Variants in DOCK1 observed in about 807,000 individuals in gnomAD.
DOCK1 encodes the protein dedicator of cytokinesis 1.
A neutral mutation model predicts 262.7 loss-of-function variants in DOCK1; 138 were observed. The observed-to-expected ratio is 0.53, with a 90% CI of 0.46 to 0.61. The LOEUF (loss-of-function observed/expected upper bound fraction) is 0.61, where lower values mean the gene tolerates loss of function less well. DOCK1 is among the 20% of genes least tolerant of loss of function. DOCK1 has a pLI of 0.00. For missense variants in DOCK1, 1,908 were observed against 2,370.7 expected (o/e 0.80, Z 4.05); for synonymous variants, 866 against 867.4 (o/e 1.00, Z 0.03).
intron 23 of DOCK1, among the ~76,000 whole-genome samples, chr10:127,091,392 A>G (rs1331183974): frequency 1.3e-5 from 2 of 152,196 alleles, no homozygotes; most frequent in African/African-American, 4.8e-5. Context: ...CTCTATCTAC[A>G]TGGACCTCTC....
intron 1 of DOCK1, among the ~76,000 whole-genome samples, chr10:126,966,832 A>G (rs2037711252): frequency 6.6e-6 from 1 of 152,200 alleles, no homozygotes; most frequent in South Asian, 2.1e-4. Flanking sequence ...CATCCAAGCA[A>G]AGAACTTGGC....
intron 14 of DOCK1, 72 bp from the exon 15 acceptor site, chr10:127,024,613 A>G: frequency 1.6e-6 from 2 of 1,268,196 alleles, no homozygotes; most frequent in East Asian, 2.5e-5. Context: ...CCCCCCACAT[A>G]TATAGTGGGA....
chr10:127,378,166 A>G (rs2065620514), intron 35 of DOCK1, among the ~76,000 whole-genome samples: 2 of 147,926 alleles, frequency 1.4e-5, no homozygotes, highest in South Asian at 4.4e-4. Context: ...GCGCATCATT[A>G]CTTTGCACAT....
intron 38 of DOCK1, among the ~76,000 whole-genome samples, chr10:127,389,319 A>G (rs1322705785): frequency 6.6e-6 from 1 of 152,180 alleles, no homozygotes; most frequent in East Asian, 1.9e-4. Flanking sequence ...CCATCATTTG[A>G]GAAATAACGT....
At chr10:127,441,354 A>G (rs2070117457) in intron 49 of DOCK1, among the ~76,000 whole-genome samples, 1 of 152,176 alleles carries the variant, frequency 6.6e-6, no homozygotes, top group African/African-American at 2.4e-5. Flanking sequence ...ATCCACAGGA[A>G]CTCACCAAGG....
chr10:126,955,821 G>T (rs1318238898), intron 1 of DOCK1, among the ~76,000 whole-genome samples: 1 of 152,134 alleles, frequency 6.6e-6, no homozygotes, highest in Non-Finnish European at 1.5e-5. Context: ...CACTTTTTGG[G>T]TGCTCTCTAG....
chr10:127,398,874 A>G (rs1292011446), intron 38 of DOCK1, among the ~76,000 whole-genome samples: 1 of 152,188 alleles, frequency 6.6e-6, no homozygotes, highest in Non-Finnish European at 1.5e-5. Flanking sequence ...TCCTATCAGA[A>G]TTGTCAACAT....
At chr10:127,321,146 G>A (rs2062501112) in intron 29 of DOCK1, among the ~76,000 whole-genome samples, 1 of 151,814 alleles carries the variant, frequency 6.6e-6, no homozygotes, top group South Asian at 2.1e-4. Flanking sequence ...CCATGACCCC[G>A]CGTCTTGCGC....
At chr10:127,260,135 G>A (rs973300304) in intron 29 of DOCK1, among the ~76,000 whole-genome samples, 1 of 152,204 alleles carries the variant, frequency 6.6e-6, no homozygotes, top group South Asian at 2.1e-4. Context: ...ACTCACTAGA[G>A]CCCCTTCACA....
chr10:126,970,901 T>G (rs1246838226), intron 2 of DOCK1, 116 bp downstream of exon 2: 13 of 1,158,506 alleles, frequency 1.1e-5, no homozygotes, highest in Non-Finnish European at 1.4e-5. Flanking sequence ...TCATGCTTCC[T>G]TCTCAGGCTC....
At position 127,052,793 on chromosome 10, in the gene DOCK1, C is replaced by A; in HGVS notation, c.2314C>A (p.Arg772Ser). ...ALESIFKFIV[R>S]SRILFNQLYE... ...AGAATCCATCTTCAAGTTCATCGTG[C>A]GCTCCAGGATCCTGTTCAATCAGTG... The change falls in exon 22 of 52, where the codon CGC (arginine) becomes AGC (serine). Residue 772 changes from arginine (R) to serine (S), a missense_variant. Coordinates refer to ENST00000623213, the MANE Select transcript of DOCK1 (RefSeq NM_001290223.2). 6.2e-7 allele frequency: 1 copy of A among 1,613,526 alleles called. No individual in the cohort carries two copies. Among genetic ancestry groups the A allele is most frequent in the Non-Finnish European group, 8.5e-7 (1 of 1,179,644 alleles).
intron 29 of DOCK1, among the ~76,000 whole-genome samples, chr10:127,303,977 T>C (rs1234552985): frequency 2.0e-5 from 3 of 152,222 alleles, no homozygotes; most frequent in Admixed American, 2.0e-4. Context: ...AAGAATTCCC[T>C]CTGGGCCCCA....
chr10:127,007,258 A>G (rs1164051136), intron 10 of DOCK1, among the ~76,000 whole-genome samples: 7 of 152,124 alleles, frequency 4.6e-5, no homozygotes, highest in Non-Finnish European at 1.0e-4. Flanking sequence ...CTGGGGCCCC[A>G]CCAGACCAAA....
chr10:127,108,323 C>CA (rs1472412809), intron 24 of DOCK1, among the ~76,000 whole-genome samples: 1 of 152,114 alleles, frequency 6.6e-6, no homozygotes. Context: ...CATGGTGACT[C>CA]ACGCCTGTAA....
At chr10:127,042,405 C>T (rs2044077727) in intron 19 of DOCK1, among the ~76,000 whole-genome samples, 1 of 152,178 alleles carries the variant, frequency 6.6e-6, no homozygotes, top group Admixed American at 6.5e-5. Context: ...CTTGCTTTGA[C>T]CCTCTCCATT....
At chr10:126,949,052 G>A (rs2035921395) in intron 1 of DOCK1, among the ~76,000 whole-genome samples, 1 of 152,136 alleles carries the variant, frequency 6.6e-6, no homozygotes, top group South Asian at 2.1e-4. Context: ...CACCCTTCGG[G>A]ATCCTGGCCT....
At chr10:126,948,110 G>GTGT (rs1211817209) in intron 1 of DOCK1, among the ~76,000 whole-genome samples, 3 of 105,938 alleles carry the variant, frequency 2.8e-5, no homozygotes, top group African/African-American at 1.1e-4. Flanking sequence ...ATTACTGTTG[G>GTGT]TGGTGATGGT....
chr10:127,200,558 C>A (rs76224341), intron 27 of DOCK1, among the ~76,000 whole-genome samples: 19,633 of 151,998 alleles, frequency 0.13, 1,388 homozygotes, highest in African/African-American at 0.17. Context: ...AACCTGTAAC[C>A]ACGCCTGGCT....
intron 23 of DOCK1, among the ~76,000 whole-genome samples, chr10:127,086,135 G>A (rs2047181796): frequency 6.6e-6 from 1 of 152,042 alleles, no homozygotes; most frequent in Non-Finnish European, 1.5e-5. Flanking sequence ...CAGTGAGGGA[G>A]ACACACCCCC....
Sources: gnomAD v4.1 joint callset for allele counts (sites outside exome capture counted in the v4.1 genomes callset) on GRCh38, gnomAD v4.1.1 for gene constraint, MANE v1.5 for transcripts, NCBI Gene and HGNC (gene_info 2026-07-23, HGNC 2026-07-21) for gene names.